SLC35F3: variants seen among roughly 807,000 people sequenced by gnomAD.
SLC35F3 encodes solute carrier family 35 member F3.
In SLC35F3, 25 loss-of-function variants were observed where a neutral mutation model predicts 49.9. The ratio of observed to expected loss-of-function variants is 0.50; its 90% CI spans 0.37 to 0.70. The LOEUF is 0.70. SLC35F3 is among the 30% of genes least tolerant of loss of function. The pLI is 0.00. For missense variants in SLC35F3, 525 were observed against 639.8 expected (o/e 0.82, Z 1.94); for synonymous variants, 275 against 265.4 (o/e 1.04, Z -0.35).
intron 2 of SLC35F3, among the ~76,000 whole-genome samples, chr1:234,008,867 T>C (rs1300721522): frequency 6.6e-6 from 1 of 152,200 alleles, no homozygotes; most frequent in Non-Finnish European, 1.5e-5. Context: ...CTGACTGACT[T>C]CTGTTCCAAG....
At chr1:234,081,174 A>G (rs543391846) in intron 2 of SLC35F3, among the ~76,000 whole-genome samples, 104 of 152,284 alleles carry the variant, frequency 6.8e-4, no homozygotes, top group East Asian at 7.7e-4. Context: ...GCCTCGGTCA[A>G]AATATTACAG....
chr1:234,149,484 A>G (rs539506226), intron 2 of SLC35F3, among the ~76,000 whole-genome samples: 6 of 152,262 alleles, frequency 3.9e-5, no homozygotes, highest in African/African-American at 1.4e-4. Context: ...TGTAACTATG[A>G]CATTTACATG....
intron 2 of SLC35F3, among the ~76,000 whole-genome samples, chr1:233,912,572 A>G (rs1661899026): frequency 6.6e-6 from 1 of 152,252 alleles, no homozygotes; most frequent in Non-Finnish European, 1.5e-5. Flanking sequence ...AATGAAATAC[A>G]GTAGTCCCGC....
intron 2 of SLC35F3, among the ~76,000 whole-genome samples, chr1:234,074,128 G>A (rs1329208317): frequency 6.6e-6 from 1 of 152,088 alleles, no homozygotes; most frequent in East Asian, 1.9e-4. Context: ...TTTCACAGGT[G>A]TCGGGTGTCA....
chr1:234,108,429 A>T lies in SLC35F3; in HGVS notation c.284-122988A>T, dbSNP rs1418286532. ...TATATGATATATATTATTTATATAT[A>T]AAAGATATATATAAAAGATATATAT... On this transcript the variant is annotated intron_variant, in intron 2 of 7. Coordinates refer to ENST00000366618, the MANE Select transcript of SLC35F3 (RefSeq NM_173508.4). Among the ~76,000 whole-genome samples the T allele has an allele frequency of 6.3e-5, 6 of 95,616 alleles. No individual in the cohort carries two copies. In the East Asian group the frequency reaches 0.013, roughly 212 times the overall value. The allele number at this position is 95,616 out of a possible 152,430, so 62.7% of individuals were successfully genotyped here.
chr1:234,059,172 C>T lies in SLC35F3; in HGVS notation c.283+153414C>T, dbSNP rs113500065. ...TCTATTGTTTTTCTATTCTCTATAT[C>T]GGTAAGTTCCACTGTAATCTTAATT... is the stretch of plus-strand genomic sequence containing the variant. On this transcript the variant is annotated intron_variant, in intron 2 of 7. Transcript: ENST00000366618. Among the ~76,000 whole-genome samples the T allele has an allele frequency of 1.7e-3, 254 of 151,114 alleles. 1 individual carries two copies. The highest frequency in any genetic ancestry group is 6.8e-3 in the Middle Eastern group (2 of 292).
chr1:234,065,294 G>A (rs1420343133), intron 2 of SLC35F3, among the ~76,000 whole-genome samples: 1 of 152,030 alleles, frequency 6.6e-6, no homozygotes, highest in African/African-American at 2.4e-5. Flanking sequence ...CTACAGACGC[G>A]TGCCACCACG....
intron 2 of SLC35F3, among the ~76,000 whole-genome samples, chr1:234,034,289 C>T (rs563585798): frequency 3.9e-5 from 6 of 152,224 alleles, no homozygotes; most frequent in South Asian, 4.1e-4. Context: ...ATATCATCAG[C>T]GAACAGCAAC....
rs575644387 is a variant in SLC35F3, at chr1:234,162,511, G to A, written c.284-68906G>A. 2.8e-4 allele frequency among the ~76,000 whole-genome samples: 43 copies of A among 151,394 alleles called. 1 individual carries two copies. In the South Asian group the frequency reaches 8.0e-3, roughly 28 times the overall value. On this transcript the variant is annotated intron_variant, in intron 2 of 7. Transcript: ENST00000366618. ...TAAGGAAGGCTGTCTCTCCTGTATA[G>A]CTGGTGTGACAGGGCAGGACTGGGT...
At chr1:234,085,532 A>G (rs1664947821) in intron 2 of SLC35F3, among the ~76,000 whole-genome samples, 1 of 152,186 alleles carries the variant, frequency 6.6e-6, no homozygotes, top group South Asian at 2.1e-4. Flanking sequence ...TTGCATTTGC[A>G]CGAATATGGC....
intron 3 of SLC35F3, among the ~76,000 whole-genome samples, chr1:234,269,876 C>T (rs1668070271): frequency 1.3e-5 from 2 of 152,192 alleles, no homozygotes. Context: ...CACACACTGG[C>T]TCCCCTTCCG....
chr1:234,182,192 G>T (rs1666567665), intron 2 of SLC35F3, among the ~76,000 whole-genome samples: 1 of 152,138 alleles, frequency 6.6e-6, no homozygotes, highest in Non-Finnish European at 1.5e-5. Flanking sequence ...GTCCATTACA[G>T]TTATTATCCT....
chr1:234,153,685 G>C (rs1666106627), intron 2 of SLC35F3, among the ~76,000 whole-genome samples: 1 of 152,168 alleles, frequency 6.6e-6, no homozygotes, highest in Admixed American at 6.5e-5. Flanking sequence ...CCAGGATTTT[G>C]GGAGGCAGAG....
intron 2 of SLC35F3, among the ~76,000 whole-genome samples, chr1:233,978,964 A>C (rs987524931): frequency 6.6e-6 from 1 of 151,824 alleles, no homozygotes; most frequent in African/African-American, 2.4e-5. Context: ...TGAGCCTGGG[A>C]GGCAGAGGTT....
At chr1:233,998,571 T>C (rs1447845121) in intron 2 of SLC35F3, among the ~76,000 whole-genome samples, 2 of 150,796 alleles carry the variant, frequency 1.3e-5, no homozygotes, top group South Asian at 2.1e-4. Context: ...CAGGAAATCA[T>C]ACGAGATTAT....
At chr1:233,928,511 A>G (rs1303200221) in intron 2 of SLC35F3, among the ~76,000 whole-genome samples, 1 of 152,156 alleles carries the variant, frequency 6.6e-6, no homozygotes, top group Non-Finnish European at 1.5e-5. Context: ...GGCTCTGGGG[A>G]AACTAGTCAG....
intron 2 of SLC35F3, among the ~76,000 whole-genome samples, chr1:234,204,569 GCTAT>G (rs1666944801): frequency 6.6e-6 from 1 of 152,206 alleles, no homozygotes; most frequent in African/African-American, 2.4e-5. Flanking sequence ...TGCCTAAGGA[GCTAT>G]CTGTTAGAAG....
chr1:234,247,859 G>A (rs1415036239), intron 3 of SLC35F3, among the ~76,000 whole-genome samples: 1 of 152,024 alleles, frequency 6.6e-6, no homozygotes, highest in African/African-American at 2.4e-5. Flanking sequence ...CAGTTGGCTG[G>A]TGCATTGTTT....
chr1:234,136,369 T>G (rs1665812622), intron 2 of SLC35F3, among the ~76,000 whole-genome samples: 2 of 151,990 alleles, frequency 1.3e-5, no homozygotes, highest in African/African-American at 4.8e-5. Context: ...TCCTTCCTTC[T>G]TTCTTTCTAT....
Sources: gnomAD v4.1 joint callset for allele counts (sites outside exome capture counted in the v4.1 genomes callset) on GRCh38, gnomAD v4.1.1 for gene constraint, MANE v1.5 for transcripts, NCBI Gene and HGNC (gene_info 2026-07-23, HGNC 2026-07-21) for gene names.